CNTN5: variants seen among roughly 807,000 people sequenced by gnomAD.
The protein encoded by CNTN5 is contactin 5.
CNTN5 carries 77 observed loss-of-function variants against 129.1 expected under a neutral mutation model. The observed-to-expected ratio is 0.60, with a 90% CI of 0.50 to 0.72. CNTN5 has a LOEUF of 0.72. Among genes scored for constraint, CNTN5 ranks in the 30% least tolerant of loss-of-function variants. The pLI is 0.00. For missense variants in CNTN5, 1,478 were observed against 1,328.8 expected (o/e 1.11, Z -1.75); for synonymous variants, 509 against 465.6 (o/e 1.09, Z -1.20).
At chr11:99,845,008 C>G (rs372717764) in intron 5 of CNTN5, 33 bp downstream of exon 5, 8 of 1,609,698 alleles carry the variant, frequency 5.0e-6, no homozygotes, top group South Asian at 1.1e-5. Context: ...TTTTCTTAAG[C>G]CTTAAAAACT....
At position 99,412,222 on chromosome 11, in the gene CNTN5, C is replaced by G. The variant is rs891165984; in HGVS notation, c.-71+86738C>G. Among the ~76,000 whole-genome samples the G allele has an allele frequency of 7.9e-5, 12 of 152,132 alleles. No individual in the cohort carries two copies. The East Asian group carries it at 2.1e-3, about 27-fold the overall frequency. On this transcript the variant is annotated intron_variant, in intron 2 of 24. Coordinates refer to ENST00000524871, the MANE Select transcript of CNTN5 (RefSeq NM_014361.4). ...GTTTATAGAATATTGTAGTATAATTCTAAGTAAGATACTGTACTGTACATT... is the reference window on the plus strand; with the variant it reads ...GTTTATAGAATATTGTAGTATAATTGTAAGTAAGATACTGTACTGTACATT...
At chr11:100,075,781 A>G (rs1944101223) in intron 13 of CNTN5, among the ~76,000 whole-genome samples, 1 of 152,130 alleles carries the variant, frequency 6.6e-6, no homozygotes, top group South Asian at 2.1e-4. Context: ...TATAGTTTCT[A>G]TGATCTGCCT....
At chr11:100,204,805 A>G (rs1358299860) in intron 15 of CNTN5, among the ~76,000 whole-genome samples, 1 of 152,034 alleles carries the variant, frequency 6.6e-6, no homozygotes, top group Admixed American at 6.6e-5. Flanking sequence ...TCTAGTTTTC[A>G]TGTTGAAGAA....
intron 1 of CNTN5, among the ~76,000 whole-genome samples, chr11:99,214,501 C>T (rs146443453): frequency 6.6e-6 from 1 of 150,704 alleles, no homozygotes. Flanking sequence ...TGAACTTTGA[C>T]AAATCCTTTA....
intron 3 of CNTN5, among the ~76,000 whole-genome samples, chr11:99,653,750 C>A (rs1189644014): frequency 2.6e-5 from 4 of 151,932 alleles, no homozygotes; most frequent in Admixed American, 1.3e-4. Context: ...AAATGAGCTC[C>A]TAGGAGAGCA....
At chr11:99,113,933 A>G (rs1036725041) in intron 1 of CNTN5, among the ~76,000 whole-genome samples, 2 of 152,168 alleles carry the variant, frequency 1.3e-5, no homozygotes, top group Admixed American at 1.3e-4. Flanking sequence ...CTTTAATTAT[A>G]TCCTGAGACT....
At chr11:99,774,396 C>T (rs1001571699) in intron 3 of CNTN5, among the ~76,000 whole-genome samples, 2 of 151,038 alleles carry the variant, frequency 1.3e-5, no homozygotes, top group African/African-American at 2.4e-5. Flanking sequence ...AATCTGATTC[C>T]TCCCCTTTTG....
intron 2 of CNTN5, among the ~76,000 whole-genome samples, chr11:99,390,219 G>A (rs1334312049): frequency 6.6e-6 from 1 of 151,680 alleles, no homozygotes; most frequent in Non-Finnish European, 1.5e-5. Context: ...CTGAGCTCAA[G>A]CAATCCTACT....
intron 2 of CNTN5, among the ~76,000 whole-genome samples, chr11:99,435,616 ATTACTTACTCTGCCAAAGAGG>A (rs1278691982): frequency 2.0e-5 from 3 of 152,228 alleles, no homozygotes; most frequent in Non-Finnish European, 4.4e-5. Context: ...TTTGGTGAGC[ATTACTTACTCTGCCAAAGAGG>A]GATACACTAA....
At chr11:99,082,732 C>A (rs1451198947) in intron 1 of CNTN5, among the ~76,000 whole-genome samples, 2 of 152,116 alleles carry the variant, frequency 1.3e-5, no homozygotes, top group African/African-American at 4.8e-5. Flanking sequence ...TTACGAAAGA[C>A]TGTGAAAATT....
At chr11:99,716,438 G>T (rs988019583) in intron 3 of CNTN5, among the ~76,000 whole-genome samples, 1 of 151,918 alleles carries the variant, frequency 6.6e-6, no homozygotes, top group African/African-American at 2.4e-5. Context: ...TATCCTGAAT[G>T]AGCTCGTCTT....
intron 3 of CNTN5, among the ~76,000 whole-genome samples, chr11:99,686,283 C>A (rs1451148220): frequency 2.6e-5 from 4 of 151,994 alleles, no homozygotes; most frequent in Admixed American, 2.6e-4. Context: ...ATTCTGTTGA[C>A]AGAAATTTCT....
intron 3 of CNTN5, among the ~76,000 whole-genome samples, chr11:99,583,172 C>T (rs1457844403): frequency 2.0e-5 from 3 of 152,204 alleles, no homozygotes; most frequent in Admixed American, 6.5e-5. Context: ...GCTGCCTGAT[C>T]GTTCCTCTGG....
chr11:99,023,403 A>G (rs930376506), intron 1 of CNTN5, among the ~76,000 whole-genome samples: 4 of 152,190 alleles, frequency 2.6e-5, no homozygotes, highest in Non-Finnish European at 5.9e-5. Context: ...TAGGAGTGTG[A>G]TTGTCTGTCA....
chr11:100,135,209 T>G (rs1946487235), intron 13 of CNTN5, among the ~76,000 whole-genome samples: 1 of 148,568 alleles, frequency 6.7e-6, no homozygotes, highest in Admixed American at 6.8e-5. Context: ...AGAATCTCAT[T>G]CTGTCATTCA....
intron 3 of CNTN5, among the ~76,000 whole-genome samples, chr11:99,740,975 A>G (rs1168544780): frequency 2.0e-5 from 3 of 152,136 alleles, no homozygotes; most frequent in Non-Finnish European, 4.4e-5. Flanking sequence ...ATTTTTGCCA[A>G]TTCAAACTTT....
intron 6 of CNTN5, among the ~76,000 whole-genome samples, chr11:99,908,181 GA>G (rs1408677943): frequency 6.6e-6 from 1 of 152,044 alleles, no homozygotes; most frequent in African/African-American, 2.4e-5. Context: ...AACAAAGGCT[GA>G]AGTTGTGCCA....
chr11:99,301,043 A>T (rs1191171088), intron 1 of CNTN5, among the ~76,000 whole-genome samples: 1 of 151,854 alleles, frequency 6.6e-6, no homozygotes, highest in Non-Finnish European at 1.5e-5. Context: ...AGTTGGTATT[A>T]ATCCAAATTG....
At chr11:100,223,984 C>CCT (rs1949319865) in intron 15 of CNTN5, among the ~76,000 whole-genome samples, 1 of 139,122 alleles carries the variant, frequency 7.2e-6, no homozygotes, top group African/African-American at 2.5e-5. Flanking sequence ...AGATATCCTC[C>CCT]ATGGTACTCA....
Sources: gnomAD v4.1 joint callset for allele counts (sites outside exome capture counted in the v4.1 genomes callset) on GRCh38, gnomAD v4.1.1 for gene constraint, MANE v1.5 for transcripts, NCBI Gene and HGNC (gene_info 2026-07-23, HGNC 2026-07-21) for gene names.